AGR3: variants seen among roughly 807,000 people sequenced by gnomAD.
AGR3 encodes the protein anterior gradient 3, protein disulphide isomerase family member.
AGR3 carries 37 observed loss-of-function variants against 24.5 expected under a neutral mutation model. That is an observed-to-expected ratio of 1.51 (90% CI 1.16 to 1.99). The LOEUF is 1.99. Ranked by LOEUF, AGR3 falls within the 30% of genes most tolerant of loss-of-function variation. The probability of loss-of-function intolerance (pLI) is 0.00; values close to 1 mark genes in which losing one functional copy is unlikely to be tolerated. For missense variants in AGR3, 228 were observed against 191.1 expected (o/e 1.19, Z -1.14); for synonymous variants, 75 against 61.6 (o/e 1.22, Z -1.02).
intron 3 of AGR3, chr7:16,865,748 A>T (rs1781747019): frequency 1.3e-6 from 1 of 755,266 alleles, no homozygotes; most frequent in African/African-American, 1.7e-5. Context: ...CTGATAGGGA[A>T]ACATATGGAA....
At chr7:16,859,334 GTCT>G (rs1193177962), downstream of AGR3, 13 of 379,926 alleles carry the variant, frequency 3.4e-5, no homozygotes, top group East Asian at 7.3e-4. Flanking sequence ...TCTTATTTAG[GTCT>G]TCTTGTCTCC....
chr7:16,871,776 AG>A (rs1781869166), intron 3 of AGR3, among the ~76,000 whole-genome samples: 1 of 152,164 alleles, frequency 6.6e-6, no homozygotes, highest in Non-Finnish European at 1.5e-5. Flanking sequence ...TGGGAGGCAG[AG>A]GTTGCAGCGA....
rs1201779309 is a variant in AGR3, at chr7:16,879,858, G to C, written c.-27-1213C>G. ...AAGTAGCAACCGCAGTCGTGGAGGA[G>C]AACAACAATTTGGTGGTAAAGAAGT... On this transcript the variant is annotated intron_variant, in intron 1 of 7. Transcript: ENST00000310398. Among the ~76,000 whole-genome samples, 4 of 152,180 alleles carry C rather than the reference G, an allele frequency of 2.6e-5. No individual in the cohort carries two copies. The East Asian group carries it at 7.7e-4, about 29-fold the overall frequency.
chr7:16,854,899 C>G, downstream of AGR3, among the ~76,000 whole-genome samples: 1 of 152,164 alleles, frequency 6.6e-6, no homozygotes, highest in East Asian at 1.9e-4. Flanking sequence ...ATGCATGTCT[C>G]TGTATCCAAA....
At chr7:16,872,925 T>C (rs1781911935) in intron 3 of AGR3, among the ~76,000 whole-genome samples, 1 of 152,086 alleles carries the variant, frequency 6.6e-6, no homozygotes, top group African/African-American at 2.4e-5. Flanking sequence ...CAGTTAGAAC[T>C]GATATTATCA....
chr7:16,872,706 G>C (rs745501348), intron 3 of AGR3, among the ~76,000 whole-genome samples: 1 of 152,050 alleles, frequency 6.6e-6, no homozygotes, highest in Non-Finnish European at 1.5e-5. Context: ...CTATTCATTC[G>C]ACATGGGCCT....
At chr7:16,863,541 T>C (rs369983090) in intron 3 of AGR3, among the ~76,000 whole-genome samples, 1 of 152,170 alleles carries the variant, frequency 6.6e-6, no homozygotes, top group African/African-American at 2.4e-5. Context: ...TCTTATATTT[T>C]CTCCCAGAGG....
chr7:16,873,903 G>T (rs1785977272), intron 2 of AGR3, 60 bp from the exon 3 acceptor site: 2 of 1,240,458 alleles, frequency 1.6e-6, no homozygotes, highest in African/African-American at 1.5e-5. Flanking sequence ...CTCGGAAATG[G>T]GTATCTAATA....
At chr7:16,863,564 A>G (rs879453935) in intron 3 of AGR3, among the ~76,000 whole-genome samples, 3 of 152,112 alleles carry the variant, frequency 2.0e-5, no homozygotes, top group Non-Finnish European at 2.9e-5. Context: ...TTCAGGTCAT[A>G]TAACTGAAAA....
intron 2 of AGR3, among the ~76,000 whole-genome samples, chr7:16,877,779 C>T (rs1317380562): frequency 2.0e-5 from 3 of 149,626 alleles, no homozygotes; most frequent in South Asian, 2.1e-4. Context: ...AGGAGAATGG[C>T]GTGAACCCGG....
At chr7:16,861,899 T>TA (rs56817783) in intron 5 of AGR3, 85 bp downstream of exon 5, 73,404 of 858,928 alleles carry the variant, frequency 0.085, 1,108 homozygotes, top group African/African-American at 0.23. Flanking sequence ...AGACTCTGTC[T>TA]AAAAAAAAAA....
At chr7:16,870,408 A>G (rs1327175304) in intron 3 of AGR3, among the ~76,000 whole-genome samples, 1 of 145,330 alleles carries the variant, frequency 6.9e-6, no homozygotes, top group Non-Finnish European at 1.5e-5. Context: ...TTGTGTTAGT[A>G]CTTCAGAAAA....
At chr7:16,879,913 C>CTAAA (rs546803426) in intron 1 of AGR3, among the ~76,000 whole-genome samples, 21 of 151,986 alleles carry the variant, frequency 1.4e-4, no homozygotes, top group African/African-American at 1.9e-4. Context: ...CCAGACATTT[C>CTAAA]CTCATTCCTC....
intron 3 of AGR3, among the ~76,000 whole-genome samples, chr7:16,866,704 TTA>T (rs1781765368): frequency 6.6e-6 from 1 of 152,178 alleles, no homozygotes. Flanking sequence ...ATAGTCAATC[TTA>T]TATGTTTGAG....
intron 3 of AGR3, among the ~76,000 whole-genome samples, chr7:16,870,234 G>A (rs1274938875): frequency 6.6e-6 from 1 of 151,802 alleles, no homozygotes; most frequent in Non-Finnish European, 1.5e-5. Context: ...ATATATAAAT[G>A]CAGTCAATTT....
rs183717242 is a variant in AGR3 at position 16,861,236 on chromosome 7, T to C, written c.367+148A>G. The C allele has an allele frequency of 6.6e-4, 373 of 566,906 alleles. 1 individual carries two copies. The highest frequency in any genetic ancestry group is 6.6e-3 in the African/African-American group (340 of 51,778). The allele number at this position is 566,906 out of a possible 1,614,324, so 35.1% of individuals were successfully genotyped here. On this transcript the variant is annotated intron_variant, in intron 6 of 7. Coordinates refer to ENST00000310398, the MANE Select transcript of AGR3 (RefSeq NM_176813.5). The stretch of plus-strand genomic sequence containing the variant: ...AAATTACAGATATAGTGGATTTTGA[T>C]TGTAGAACTAACAAGAGCTGATATT...
intron 3 of AGR3, among the ~76,000 whole-genome samples, chr7:16,871,841 A>G (rs1397652635): frequency 6.6e-6 from 1 of 152,112 alleles, no homozygotes; most frequent in Non-Finnish European, 1.5e-5. Context: ...ACTCCATCTC[A>G]AAAAAACAAC....
chr7:16,881,749 T>C (rs1583851097), intron 1 of AGR3, among the ~76,000 whole-genome samples, 195 bp downstream of exon 1: 1 of 151,864 alleles, frequency 6.6e-6, no homozygotes, highest in Non-Finnish European at 1.5e-5. Flanking sequence ...TTTATTCTAA[T>C]ACCATTAATA....
At chr7:16,877,862 C>CA (rs67623743) in intron 2 of AGR3, among the ~76,000 whole-genome samples, 9,437 of 126,312 alleles carry the variant, frequency 0.075, 1,135 homozygotes, top group African/African-American at 0.25. Flanking sequence ...GACTCCGTCT[C>CA]AAAAAAAAAA....
Sources: allele counts gnomAD v4.1 joint callset (sites outside exome capture counted in the v4.1 genomes callset), GRCh38; gene constraint gnomAD v4.1.1; transcripts MANE v1.5; gene names NCBI Gene and HGNC (gene_info 2026-07-23, HGNC 2026-07-21).